NAV1: variants seen among roughly 807,000 people sequenced by gnomAD.
The protein encoded by NAV1 is neuron navigator 1, also known as pore membrane and/or filament interacting like protein 3.
A neutral mutation model predicts 175.2 loss-of-function variants in NAV1; 18 were observed. That is an observed-to-expected ratio of 0.10 (90% CI 0.07 to 0.15). The LOEUF is 0.15. NAV1 is among the 10% of genes least tolerant of loss of function. The probability of loss-of-function intolerance (pLI) is 1.00; values close to 1 mark genes in which losing one functional copy is unlikely to be tolerated. For missense variants in NAV1, 1,731 were observed against 2,436.6 expected (o/e 0.71, Z 6.10); for synonymous variants, 897 against 978.7 (o/e 0.92, Z 1.56).
chr1:201,578,969 C>T (rs1666770359), intron 1 of NAV1, among the ~76,000 whole-genome samples: 2 of 151,940 alleles, frequency 1.3e-5, no homozygotes, highest in African/African-American at 4.8e-5. Flanking sequence ...CCCATCTCTA[C>T]TAATAATATA....
At position 201,810,781 on chromosome 1, in the gene NAV1, G is replaced by GCCAGCCTTTC; in HGVS notation, c.4797+32_4797+33insCCCAGCCTTT. The stretch of plus-strand genomic sequence containing the variant: ...AAGGTGGCTGCCCCCCGACACCCCT[G>GCCAGCCTTTC]CCAGCCTTTGTTCATGCCTCAGCCT... On this transcript the variant is annotated intron_variant, in intron 24 of 29. Coordinates refer to ENST00000367296, the Ensembl canonical transcript of NAV1. The surrounding 1 kb of genome is among the most constrained non-coding windows in gnomAD (Gnocchi z 6.0). 6.3e-7 allele frequency: 1 copy of GCCAGCCTTTC among 1,593,844 alleles called. No individual in the cohort carries two copies. Among genetic ancestry groups the GCCAGCCTTTC allele is most frequent in the Non-Finnish European group, 8.6e-7 (1 of 1,163,730 alleles).
At chr1:201,608,496 G>A (rs1435088984) in intron 2 of NAV1, among the ~76,000 whole-genome samples, 18 of 152,238 alleles carry the variant, frequency 1.2e-4, no homozygotes, top group Admixed American at 1.2e-3. Context: ...GTTGTGTGGG[G>A]ACTTACAGGT....
Position 201,740,062 on chromosome 1 carries a change from G to C in NAV1, c.1226+21307G>C. 2.0e-6 allele frequency: 3 copies of C among 1,499,510 alleles called. No homozygotes were observed. Among genetic ancestry groups the C allele is most frequent in the Non-Finnish European group, 2.7e-6 (3 of 1,122,650 alleles). 92.9% of individuals were successfully genotyped at this position (1,499,510 alleles called of 1,614,324 possible). A position where few individuals can be genotyped will look rare whatever the true frequency, so the allele number is the denominator to read the frequency against. On this transcript the variant is annotated intron_variant, in intron 3 of 29. Coordinates refer to ENST00000367296, the Ensembl canonical transcript of NAV1. This position sits in a 1 kb window ranked among gnomAD's most constrained non-coding sequence, Gnocchi z 4.7. ...CCCTGCCCAGATCCGGAAGAACGGT[G>C]AATTTCCCCCGCAGGTAAGCGCCCC...
At chr1:201,706,650 C>T (rs1037679288) in intron 1 of NAV1, among the ~76,000 whole-genome samples, 1 of 152,202 alleles carries the variant, frequency 6.6e-6, no homozygotes, top group Non-Finnish European at 1.5e-5. Context: ...TGGCTCACTT[C>T]CGTTCCTTCT....
At chr1:201,748,340 T>C (rs1673900297) in intron 3 of NAV1, among the ~76,000 whole-genome samples, 1 of 152,180 alleles carries the variant, frequency 6.6e-6, no homozygotes, top group South Asian at 2.1e-4. Flanking sequence ...TTGTTTCTTT[T>C]CTGGGGTTCT....
intron 1 of NAV1, among the ~76,000 whole-genome samples, chr1:201,666,683 C>G (rs1458066056): frequency 1.3e-5 from 2 of 152,170 alleles, no homozygotes; most frequent in Admixed American, 6.5e-5. Context: ...TACCTGTACC[C>G]TGGGGGAGAA....
rs1430935431 is a variant in NAV1 at position 201,808,188 on chromosome 1, C to T, written c.3845+39C>T. ...GGCTCCCTGCCACCCAGCCTGTTACCAGTGTAAGCTGTGGGCTAGAGTTGA... is the reference window on the plus strand; with the variant it reads ...GGCTCCCTGCCACCCAGCCTGTTACTAGTGTAAGCTGTGGGCTAGAGTTGA... On this transcript the variant is annotated intron_variant, in intron 18 of 29. Coordinates refer to ENST00000367296, the Ensembl canonical transcript of NAV1. The surrounding 1 kb of genome is among the most constrained non-coding windows in gnomAD (Gnocchi z 5.5). 7.5e-6 allele frequency: 12 copies of T among 1,605,764 alleles called. No homozygotes were observed. The highest frequency in any genetic ancestry group is 9.4e-6 in the Non-Finnish European group (11 of 1,173,628).
intron 1 of NAV1, among the ~76,000 whole-genome samples, chr1:201,540,429 G>C (rs765166402): frequency 6.6e-6 from 1 of 152,200 alleles, no homozygotes; most frequent in Non-Finnish European, 1.5e-5. Context: ...CAAAAGCAGA[G>C]GGCTTGCCTG....
intron 1 of NAV1, among the ~76,000 whole-genome samples, chr1:201,571,314 G>C (rs919790213): frequency 2.0e-5 from 3 of 152,210 alleles, no homozygotes; most frequent in African/African-American, 7.2e-5. Flanking sequence ...ATGTGTGCAG[G>C]GTTCCTAGAA....
At chr1:201,717,195 C>T (rs1253415465) in intron 2 of NAV1, among the ~76,000 whole-genome samples, 4 of 152,258 alleles carry the variant, frequency 2.6e-5, no homozygotes, top group Non-Finnish European at 5.9e-5. Context: ...CAATGTCCCA[C>T]TCCCATTCCA....
chr1:201,609,770 C>T (rs1194665725), intron 2 of NAV1, among the ~76,000 whole-genome samples: 4 of 152,024 alleles, frequency 2.6e-5, no homozygotes, highest in Non-Finnish European at 4.4e-5. Context: ...TTCAGCAGCT[C>T]CAGTGTCCAT....
intron 3 of NAV1, among the ~76,000 whole-genome samples, chr1:201,737,808 T>C (rs1673179340): frequency 6.6e-6 from 1 of 152,210 alleles, no homozygotes; most frequent in African/African-American, 2.4e-5. Flanking sequence ...AAACATCCCC[T>C]GCTGATGACA....
chr1:201,809,381 C>A (rs963200718), intron 21 of NAV1, 61 bp from the exon 26 acceptor site: 1 of 1,590,452 alleles, frequency 6.3e-7, no homozygotes, highest in Non-Finnish European at 8.6e-7. Context: ...GCCTTTAGGA[C>A]CCCGGTTCAT....
chr1:201,643,012 G>A (rs1283935319), intron 2 of NAV1, among the ~76,000 whole-genome samples: 1 of 151,880 alleles, frequency 6.6e-6, no homozygotes, highest in African/African-American at 2.4e-5. Context: ...CTGACCTCGT[G>A]ATCCGTCCGC....
chr1:201,817,353 GCT>G (rs1679105998), intron 29 of NAV1, 68 bp downstream of exon 33: 10 of 1,441,458 alleles, frequency 6.9e-6, no homozygotes, highest in Middle Eastern at 1.8e-4. Flanking sequence ...CAGCAGGGTG[GCT>G]CACACCTGTA....
At chr1:201,693,655 A>G (rs1406863586) in intron 1 of NAV1, among the ~76,000 whole-genome samples, 2 of 152,088 alleles carry the variant, frequency 1.3e-5, no homozygotes, top group Non-Finnish European at 2.9e-5. Flanking sequence ...TATGACTGGA[A>G]TTGGGCATTG....
At chr1:201,600,307 G>A (rs1487082678) in intron 2 of NAV1, among the ~76,000 whole-genome samples, 2 of 152,192 alleles carry the variant, frequency 1.3e-5, no homozygotes, top group Non-Finnish European at 2.9e-5. Flanking sequence ...CATGCCCTGT[G>A]TGGTGCTATC....
At chr1:201,707,895 G>A (rs1878609) in intron 1 of NAV1, among the ~76,000 whole-genome samples, 3,004 of 152,320 alleles carry the variant, frequency 0.02, 106 homozygotes, top group African/African-American at 0.069. Context: ...GGAGGCATGT[G>A]CATGTATTTT....
At chr1:201,608,388 A>C (rs1667751190) in intron 2 of NAV1, among the ~76,000 whole-genome samples, 1 of 152,050 alleles carries the variant, frequency 6.6e-6, no homozygotes, top group South Asian at 2.1e-4. Context: ...AGTGGACCCC[A>C]CCTCAGATGC....
Sources: gnomAD v4.1 joint callset for allele counts (sites outside exome capture counted in the v4.1 genomes callset) on GRCh38, gnomAD v4.1.1 for gene constraint, Gnocchi (gnomAD v3.1) non-coding constraint, MANE v1.5 for transcripts, NCBI Gene and HGNC (gene_info 2026-07-23, HGNC 2026-07-21) for gene names.